Variants in DCN observed in about 807,000 individuals in gnomAD.
DCN encodes the protein decorin.
Under a neutral mutation model 36.5 loss-of-function variants are expected in DCN, and 17 were observed. The ratio of observed to expected loss-of-function variants is 0.47; its 90% CI spans 0.32 to 0.70. DCN has a LOEUF of 0.70. DCN is among the 30% of genes least tolerant of loss of function. DCN has a pLI of 0.04. For synonymous variants in DCN, 163 were observed against 161.4 expected (o/e 1.01, Z -0.07); for missense variants, 389 against 430.1 (o/e 0.90, Z 0.84).
chr12:91,143,966 A>T lies in DCN; in HGVS notation c.*2092T>A, dbSNP rs550712514. 6.6e-6 allele frequency: 1 copy of T among 151,862 alleles called. No homozygotes were observed. The highest frequency in any genetic ancestry group is 2.1e-4 in the South Asian group (1 of 4,816). The allele number at this position is 151,862 out of a possible 1,614,324, so 9.4% of individuals were successfully genotyped here. On this transcript the variant is annotated 3_prime_UTR_variant, in exon 8 of 8. Coordinates refer to ENST00000052754, the MANE Select transcript of DCN (RefSeq NM_001920.5). ...TGTTTCTCATTTTGATACTGAACAA[A>T]ATTAGAAGTAGCTTGACTACTGGAA...
chr12:91,149,175 T>C (rs994928219), intron 7 of DCN, among the ~76,000 whole-genome samples: 2 of 152,172 alleles, frequency 1.3e-5, no homozygotes, highest in African/African-American at 4.8e-5. Context: ...CTCTTATGAA[T>C]ATGGACAAAA....
At chr12:91,152,562 AAAC>A (rs1881502668) in intron 6 of DCN, among the ~76,000 whole-genome samples, 1 of 152,124 alleles carries the variant, frequency 6.6e-6, no homozygotes, top group Admixed American at 6.5e-5. Context: ...GGGCCAGCAA[AAAC>A]AACAACAACA....
intron 3 of DCN, among the ~76,000 whole-genome samples, chr12:91,161,760 T>C (rs534509225): frequency 6.6e-6 from 1 of 152,326 alleles, no homozygotes; most frequent in East Asian, 1.9e-4. Context: ...CCTTCAAACT[T>C]CTGCTGATCG....
intron 2 of DCN, among the ~76,000 whole-genome samples, chr12:91,165,839 G>A (rs1296010609): frequency 6.6e-6 from 1 of 152,014 alleles, no homozygotes; most frequent in African/African-American, 2.4e-5. Flanking sequence ...TACCTCTTGG[G>A]CACCATGAAT....
In DCN at chr12:91,167,975, C is replaced by T. The variant is rs544906155; in HGVS notation, c.212-3258G>A. On this transcript the variant is annotated intron_variant, in intron 2 of 7. Coordinates refer to ENST00000052754, the MANE Select transcript of DCN (RefSeq NM_001920.5). ...CTGCCTCAGTAGCTGGGACTACAGGCGTTTGCCACCAGTGCCTGGCTAATT... is the reference window on the plus strand; with the variant it reads ...CTGCCTCAGTAGCTGGGACTACAGGTGTTTGCCACCAGTGCCTGGCTAATT... Among the ~76,000 whole-genome samples, 5 of 152,184 alleles carry T rather than the reference C, an allele frequency of 3.3e-5. No individual in the cohort carries two copies. The East Asian group carries it at 5.8e-4, about 18-fold the overall frequency.
intron 7 of DCN, 99 bp from the exon 8 acceptor site, chr12:91,146,351 CTTTT>C (rs376886852): frequency 3.3e-3 from 1,040 of 316,838 alleles, no homozygotes; most frequent in Middle Eastern, 8.2e-3. Context: ...TAATCCTTCA[CTTTT>C]TTTTTTTTTT....
At chr12:91,168,547 C>T (rs950235409) in intron 2 of DCN, among the ~76,000 whole-genome samples, 2 of 152,076 alleles carry the variant, frequency 1.3e-5, no homozygotes, top group Non-Finnish European at 1.5e-5. Context: ...AAGTGCCTTT[C>T]TGATTAATTA....
chr12:91,161,978 T>C (rs1882184067), intron 3 of DCN, among the ~76,000 whole-genome samples: 1 of 151,648 alleles, frequency 6.6e-6, no homozygotes, highest in Admixed American at 6.6e-5. Context: ...TCTCACTCTG[T>C]CACCAGGGCT....
At chr12:91,157,595 A>G (rs1409940470) in intron 4 of DCN, among the ~76,000 whole-genome samples, 1 of 152,158 alleles carries the variant, frequency 6.6e-6, no homozygotes, top group Non-Finnish European at 1.5e-5. Flanking sequence ...TTTATAAGCC[A>G]ATAATAAAAT....
Position 91,151,551 on chromosome 12 carries a change from A to G in DCN, c.885+103T>C, listed in dbSNP as rs779473235. The G allele has an allele frequency of 3.5e-5, 49 of 1,403,312 alleles. 1 individual carries two copies. The Middle Eastern group carries it at 8.8e-4, about 25-fold the overall frequency. The allele number at this position is 1,403,312 out of a possible 1,614,324, so 86.9% of individuals were successfully genotyped here. On this transcript the variant is annotated intron_variant, in intron 7 of 7. Transcript: ENST00000052754. ...GAAATTCTAACTAAGACACTCTGGAAAAAAAACTTCTAAGAAGAGCTTCCT... is the reference window on the plus strand; with the variant it reads ...GAAATTCTAACTAAGACACTCTGGAGAAAAAACTTCTAAGAAGAGCTTCCT...
rs916972237 is a variant in DCN at position 91,140,988 on chromosome 12, A to C, written c.*5070T>G. Reference sequence around the variant, plus strand: ...CCCCATATTTTGATCCCTTCTCAACAATTTTTCTACTATTATCCAGGTCAA... The same window carrying C: ...CCCCATATTTTGATCCCTTCTCAACCATTTTTCTACTATTATCCAGGTCAA... On this transcript the variant is annotated 3_prime_UTR_variant, in exon 8 of 8. Coordinates refer to ENST00000052754, the MANE Select transcript of DCN (RefSeq NM_001920.5). 3 of 152,064 alleles carry C rather than the reference A, an allele frequency of 2.0e-5. No homozygotes were observed. Among genetic ancestry groups the C allele is most frequent in the African/African-American group, 7.2e-5 (3 of 41,384 alleles). The allele number at this position is 152,064 out of a possible 1,614,324, so 9.4% of individuals were successfully genotyped here. A position where few individuals can be genotyped will look rare whatever the true frequency, so the allele number is the denominator to read the frequency against.
intron 6 of DCN, 148 bp downstream of exon 6, chr12:91,152,948 T>G (rs576265288): frequency 5.6e-5 from 35 of 626,158 alleles, no homozygotes; most frequent in Non-Finnish European, 9.2e-5. Flanking sequence ...AATAATTGGA[T>G]ATGCTGAAGT....
At chr12:91,172,244 C>G (rs1883009006) in intron 2 of DCN, 1 of 152,374 alleles carries the variant, frequency 6.6e-6, no homozygotes, top group South Asian at 2.1e-4. Context: ...TCATGTTGGA[C>G]AAAGGCCAGG....
In DCN at chr12:91,151,683, C is replaced by A; in HGVS notation, c.856G>T (p.Gly286Cys). ...ATGTACTTATGCTCTGCCAGCCCAC[C>A]AGGTACTCTGGTAAGCTTGTTGTTG... ...LDNNKLTRVP[G>C]GLAEHKYIQV... The change falls in exon 7 of 8, where the codon GGT becomes TGT. Residue 286 changes from glycine to cysteine, a missense_variant. Transcript: ENST00000052754. The A allele has an allele frequency of 6.2e-7, 1 of 1,614,052 alleles. No homozygotes were observed. The highest frequency in any genetic ancestry group is 1.1e-5 in the South Asian group (1 of 91,080).
intron 2 of DCN, among the ~76,000 whole-genome samples, chr12:91,173,681 T>C (rs1883116762): frequency 6.6e-6 from 1 of 152,174 alleles, no homozygotes; most frequent in Non-Finnish European, 1.5e-5. Context: ...GAGCCAGACA[T>C]AAATGATAAA....
chr12:91,150,394 A>G (rs1881328438), intron 7 of DCN, among the ~76,000 whole-genome samples: 1 of 152,250 alleles, frequency 6.6e-6, no homozygotes, highest in Non-Finnish European at 1.5e-5. Flanking sequence ...GGATTATCTC[A>G]AAATTAGATT....
chr12:91,178,232 C>T, intron 2 of DCN, 110 bp downstream of exon 2: 2 of 966,544 alleles, frequency 2.1e-6, no homozygotes, highest in Non-Finnish European at 1.7e-6. Flanking sequence ...TTAGGTGGCA[C>T]TGTCTCTCAA....
At chr12:91,167,580 T>C (rs1882657799) in intron 2 of DCN, among the ~76,000 whole-genome samples, 1 of 152,120 alleles carries the variant, frequency 6.6e-6, no homozygotes, top group Non-Finnish European at 1.5e-5. Flanking sequence ...AAAATGATTA[T>C]GATAGCAGAT....
chr12:91,178,478 A>T lies in DCN; in HGVS notation c.75T>A (p.Phe25Leu), dbSNP rs769143874. The T allele has an allele frequency of 1.2e-6, 2 of 1,613,822 alleles. No homozygotes were observed. The highest frequency in any genetic ancestry group is 1.7e-6 in the Non-Finnish European group (2 of 1,179,950). Reference sequence around the variant, plus strand: ...AAGCCTCATCTTCTAGCATAAAGTCAAATAAGCCTCTCTGTTGAAACGGTC... The same window carrying T: ...AAGCCTCATCTTCTAGCATAAAGTCTAATAAGCCTCTCTGTTGAAACGGTC... Reference protein sequence around the residue: ...WAGPFQQRGLFDFMLEDEASG... With the variant: ...WAGPFQQRGLLDFMLEDEASG... The change falls in exon 2 of 8, where the codon TTT becomes TTA. Residue 25 changes from phenylalanine (F) to leucine (L), a missense_variant. Phe to Leu is a conservative substitution (Grantham distance 22). Transcript: ENST00000052754.
Sources: gnomAD v4.1 joint callset for allele counts (sites outside exome capture counted in the v4.1 genomes callset) on GRCh38, gnomAD v4.1.1 for gene constraint, MANE v1.5 for transcripts, NCBI Gene and HGNC (gene_info 2026-07-23, HGNC 2026-07-21) for gene names.